The following ROBO1 variants were observed in gnomAD, a reference collection of about 807,000 sequenced individuals.
ROBO1 encodes the protein roundabout guidance receptor 1, also known as roundabout homolog 1.
ROBO1 carries 149 observed loss-of-function variants against 195.9 expected under a neutral mutation model. The ratio of observed to expected loss-of-function variants is 0.76; its 90% CI spans 0.67 to 0.87. The LOEUF (loss-of-function observed/expected upper bound fraction) is 0.87. Among genes scored for constraint, ROBO1 ranks in the 40% least tolerant of loss-of-function variants. The pLI, the probability that ROBO1 is intolerant of heterozygous loss-of-function variation, is 0.00. For missense variants in ROBO1, 1,933 were observed against 2,068.3 expected (o/e 0.93, Z 1.27); for synonymous variants, 816 against 733.2 (o/e 1.11, Z -1.82).
At chr3:78,755,734 T>C (rs1027893418) in intron 4 of ROBO1, among the ~76,000 whole-genome samples, 15 of 152,128 alleles carry the variant, frequency 9.9e-5, no homozygotes, top group African/African-American at 3.6e-4. Flanking sequence ...TACAGGAGAA[T>C]AGGTAGACAA....
chr3:79,034,600 A>G (rs771895043), intron 3 of ROBO1, among the ~76,000 whole-genome samples: 39 of 152,194 alleles, frequency 2.6e-4, no homozygotes, highest in Non-Finnish European at 4.3e-4. Context: ...ATAAAACTAG[A>G]AGAGGTCTAA....
intron 8 of ROBO1, among the ~76,000 whole-genome samples, chr3:78,699,180 C>G (rs930013657): frequency 1.3e-5 from 2 of 152,174 alleles, no homozygotes; most frequent in African/African-American, 4.8e-5. Flanking sequence ...CCCAAGCTAT[C>G]CAACAGCATT....
chr3:79,542,560 C>T (rs1294527100), intron 2 of ROBO1, among the ~76,000 whole-genome samples: 4 of 151,976 alleles, frequency 2.6e-5, no homozygotes, highest in African/African-American at 9.7e-5. Context: ...AGCAGATTCA[C>T]ATTTTAAAAA....
chr3:78,966,956 T>A (rs998769407), intron 3 of ROBO1, among the ~76,000 whole-genome samples: 2 of 152,180 alleles, frequency 1.3e-5, no homozygotes, highest in African/African-American at 4.8e-5. Flanking sequence ...TGATTCTCAA[T>A]TTCCTCATCT....
rs751339145 is a variant in ROBO1 at position 79,496,212 on chromosome 3, C to CAA, written c.88+93610_88+93611dup. Among the ~76,000 whole-genome samples the CAA allele has an allele frequency of 6.2e-3, 345 of 55,408 alleles. 1 individual carries two copies. The highest frequency in any genetic ancestry group is 0.039 in the Middle Eastern group (3 of 76). The allele number at this position is 55,408 out of a possible 152,430, so 36.3% of individuals were successfully genotyped here. ...TAGGTGACAGAGCAAGACTCTGTCT[C>CAA]AAAAAAAAAAAAAAAAAAAAAAGAC... On this transcript the variant is annotated intron_variant, in intron 2 of 30. Coordinates refer to ENST00000464233, the MANE Select transcript of ROBO1 (RefSeq NM_002941.4).
intron 2 of ROBO1, among the ~76,000 whole-genome samples, chr3:79,243,554 T>C (rs2108887421): frequency 6.6e-6 from 1 of 152,256 alleles, no homozygotes; most frequent in East Asian, 1.9e-4. Flanking sequence ...TATCTCACTG[T>C]GGTTTTGATT....
chr3:79,488,180 T>G (rs996386673), intron 2 of ROBO1, among the ~76,000 whole-genome samples: 6 of 152,182 alleles, frequency 3.9e-5, no homozygotes, highest in Non-Finnish European at 8.8e-5. Context: ...TGAATCTGAA[T>G]GAAAATGACC....
chr3:79,576,392 T>C (rs1943486268), intron 2 of ROBO1, among the ~76,000 whole-genome samples: 1 of 152,050 alleles, frequency 6.6e-6, no homozygotes, highest in African/African-American at 2.4e-5. Context: ...TTCCAAAATC[T>C]TACCAGTATA....
chr3:79,592,751 C>G (rs1944043892), intron 1 of ROBO1, among the ~76,000 whole-genome samples: 1 of 152,016 alleles, frequency 6.6e-6, no homozygotes, highest in African/African-American at 2.4e-5. Flanking sequence ...CATTATCATC[C>G]AAAGTCCATA....
intron 3 of ROBO1, among the ~76,000 whole-genome samples, chr3:79,122,574 A>G (rs1296756676): frequency 1.3e-5 from 2 of 151,948 alleles, no homozygotes; most frequent in African/African-American, 2.4e-5. Context: ...TGTTCACTAG[A>G]TCATTAGTGG....
intron 2 of ROBO1, among the ~76,000 whole-genome samples, chr3:79,421,118 G>A (rs1469092752): frequency 6.6e-6 from 1 of 152,036 alleles, no homozygotes; most frequent in Non-Finnish European, 1.5e-5. Context: ...AAGTCATGCA[G>A]AAATAGAAAA....
At chr3:79,583,461 T>C (rs1943722860) in intron 2 of ROBO1, among the ~76,000 whole-genome samples, 1 of 151,922 alleles carries the variant, frequency 6.6e-6, no homozygotes, top group African/African-American at 2.4e-5. Context: ...CAGATAAATA[T>C]AATCTCTGCC....
chr3:78,606,147 A>T (rs1575762776), intron 29 of ROBO1, among the ~76,000 whole-genome samples: 1 of 152,094 alleles, frequency 6.6e-6, no homozygotes, highest in East Asian at 1.9e-4. Context: ...TAAATCTCAA[A>T]CCCTTCAGAA....
intron 8 of ROBO1, among the ~76,000 whole-genome samples, chr3:78,710,800 T>TA (rs2081665191): frequency 6.6e-6 from 1 of 152,214 alleles, no homozygotes; most frequent in African/African-American, 2.4e-5. Context: ...AAAGACATTT[T>TA]AAAAAGTCTT....
At chr3:79,640,588 C>T (rs1319668726) in intron 1 of ROBO1, among the ~76,000 whole-genome samples, 1 of 152,072 alleles carries the variant, frequency 6.6e-6, no homozygotes, top group Admixed American at 6.6e-5. Context: ...TTTCTTAAGG[C>T]CTGACTTCAA....
chr3:79,624,950 T>G (rs1362786824), intron 1 of ROBO1, among the ~76,000 whole-genome samples: 2 of 152,144 alleles, frequency 1.3e-5, no homozygotes, highest in Non-Finnish European at 2.9e-5. Context: ...TAATTGGAAG[T>G]AAAACACTCC....
intron 3 of ROBO1, among the ~76,000 whole-genome samples, chr3:78,986,778 AC>A (rs1463446204): frequency 2.6e-5 from 4 of 152,010 alleles, no homozygotes; most frequent in African/African-American, 9.7e-5. Context: ...ACTGGGGTTG[AC>A]GGGGGAAAAA....
intron 2 of ROBO1, among the ~76,000 whole-genome samples, chr3:79,393,918 T>G (rs73127365): frequency 1.3e-5 from 2 of 152,124 alleles, no homozygotes; most frequent in East Asian, 1.9e-4. Context: ...TGATAGAAAC[T>G]TAAGTGAATA....
chr3:79,470,695 A>C (rs1367563837), intron 2 of ROBO1, among the ~76,000 whole-genome samples: 1 of 151,952 alleles, frequency 6.6e-6, no homozygotes, highest in East Asian at 1.9e-4. Flanking sequence ...AAGAGGTCTG[A>C]TGGTTTTATA....
Sources: gnomAD v4.1 joint callset for allele counts (sites outside exome capture counted in the v4.1 genomes callset) on GRCh38, gnomAD v4.1.1 for gene constraint, MANE v1.5 for transcripts, NCBI Gene and HGNC (gene_info 2026-07-23, HGNC 2026-07-21) for gene names.